Variants in FBXL2 observed in about 807,000 individuals in gnomAD.
The protein encoded by FBXL2 is F-box/LRR-repeat protein 2.
In FBXL2, 38 loss-of-function variants were observed where a neutral mutation model predicts 69.2. The observed-to-expected ratio is 0.55, with a 90% CI of 0.42 to 0.72. The LOEUF is 0.72. Ranked by LOEUF, FBXL2 falls within the 30% of genes least tolerant of loss-of-function variation. The probability of loss-of-function intolerance (pLI) is 0.00; values close to 1 mark genes in which losing one functional copy is unlikely to be tolerated. For synonymous variants in FBXL2, 192 were observed against 201.3 expected, an observed-to-expected ratio of 0.95 and a Z score of 0.39; for missense variants, 354 against 520.3, an observed-to-expected ratio of 0.68 and a Z score of 3.11.
chr3:33,316,838 CA>C (rs1010691075), intron 2 of FBXL2, among the ~76,000 whole-genome samples: 91 of 152,208 alleles, frequency 6.0e-4, no homozygotes, highest in African/African-American at 2.1e-3. Context: ...ATGAGTTGGG[CA>C]AACATTTTCA....
intron 2 of FBXL2, among the ~76,000 whole-genome samples, chr3:33,333,441 G>T (rs911425972): frequency 6.6e-6 from 1 of 152,122 alleles, no homozygotes; most frequent in Non-Finnish European, 1.5e-5. Context: ...TAAGATAATA[G>T]ACATTATTAC....
downstream of FBXL2, chr3:33,392,567 T>A (rs17854431): frequency 6.2e-7 from 1 of 1,611,534 alleles, no homozygotes; most frequent in Non-Finnish European, 8.5e-7. Flanking sequence ...AAGTACCTTT[T>A]ACTGTGGAGA....
intron 1 of FBXL2, among the ~76,000 whole-genome samples, chr3:33,288,638 A>G (rs1389562117): frequency 6.6e-6 from 1 of 152,218 alleles, no homozygotes; most frequent in African/African-American, 2.4e-5. Context: ...AGGCAAGAAC[A>G]TGCCTGGTGT....
intron 2 of FBXL2, among the ~76,000 whole-genome samples, chr3:33,299,911 C>T (rs962175848): frequency 2.6e-5 from 4 of 152,032 alleles, no homozygotes; most frequent in Admixed American, 6.5e-5. Context: ...GAAGCAATAC[C>T]GCTGTGTCCC....
chr3:33,292,139 G>T (rs1053847542), intron 1 of FBXL2, among the ~76,000 whole-genome samples: 1 of 152,172 alleles, frequency 6.6e-6, no homozygotes, highest in Non-Finnish European at 1.5e-5. Context: ...CAGCACTTTG[G>T]AAGGCCGAGG....
rs151196624 is a variant in FBXL2, at chr3:33,302,141, G to C, written c.65+4416G>C. Among the ~76,000 whole-genome samples the C allele has an allele frequency of 1.0e-2, 1,522 of 152,248 alleles. 91 individuals carry two copies. The highest frequency in any genetic ancestry group is 0.092 in the Admixed American group (1,409 of 15,294). On this transcript the variant is annotated intron_variant, in intron 2 of 14. Transcript: ENST00000484457. ...TTAATGCAAACAACTGATGAATCCA[G>C]CTCTTAATATGGATCTTAATATATG... is the stretch of plus-strand genomic sequence containing the variant.
intron 2 of FBXL2, among the ~76,000 whole-genome samples, chr3:33,342,891 C>CTGTT (rs1195552302): frequency 1.0e-5 from 1 of 96,420 alleles, no homozygotes; most frequent in Non-Finnish European, 1.9e-5. Flanking sequence ...CCACGCCCAG[C>CTGTT]TGTTTTTTTT....
chr3:33,401,969 A>C (rs1445193608), intron 12 of FBXL2, among the ~76,000 whole-genome samples: 1 of 152,126 alleles, frequency 6.6e-6, no homozygotes. Flanking sequence ...AATAGCCTAC[A>C]TGACAACAAG....
At chr3:33,324,536 C>T (rs532004820) in intron 2 of FBXL2, among the ~76,000 whole-genome samples, 1 of 152,268 alleles carries the variant, frequency 6.6e-6, no homozygotes, top group Non-Finnish European at 1.5e-5. Context: ...GCCAGTTTTC[C>T]CAACACCATT....
At chr3:33,281,908 G>A (rs2034053362) in intron 1 of FBXL2, among the ~76,000 whole-genome samples, 1 of 152,134 alleles carries the variant, frequency 6.6e-6, no homozygotes, top group South Asian at 2.1e-4. Flanking sequence ...TGTTTTTCTT[G>A]TAAATTTATT....
At chr3:33,412,698 T>C in the FBXL2 span, 4 of 1,442,578 alleles carry the variant, frequency 2.8e-6, no homozygotes, top group African/African-American at 4.2e-5. Flanking sequence ...CTCATCTCCA[T>C]GGTCTTTTGA....
intron 2 of FBXL2, among the ~76,000 whole-genome samples, chr3:33,344,302 C>G (rs921906626): frequency 1.3e-5 from 2 of 151,926 alleles, no homozygotes; most frequent in African/African-American, 4.8e-5. Flanking sequence ...CGGGAGGAAG[C>G]TTTGGATAAT....
intron 13 of FBXL2, among the ~76,000 whole-genome samples, chr3:33,379,289 A>G (rs545289138): frequency 1.3e-4 from 19 of 151,700 alleles, no homozygotes; most frequent in African/African-American, 4.4e-4. Context: ...GGTGTGAGCT[A>G]CCGCACCTGA....
chr3:33,317,534 G>A (rs1470856535), intron 2 of FBXL2: 3 of 456,478 alleles, frequency 6.6e-6, no homozygotes, highest in Non-Finnish European at 1.3e-5. Flanking sequence ...AAGAATGGAA[G>A]ACACACATCA....
the FBXL2 span, among the ~76,000 whole-genome samples, chr3:33,409,932 C>G: frequency 6.6e-6 from 1 of 152,188 alleles, no homozygotes; most frequent in Non-Finnish European, 1.5e-5. Flanking sequence ...GTCTGCTCAT[C>G]TCAGACCCAG....
At chr3:33,329,678 T>A (rs536540531) in intron 2 of FBXL2, among the ~76,000 whole-genome samples, 1 of 152,226 alleles carries the variant, frequency 6.6e-6, no homozygotes, top group Admixed American at 6.5e-5. Context: ...AAATATTGCA[T>A]GTTCTCACTC....
At chr3:33,339,861 A>T (rs2039885800) in intron 2 of FBXL2, among the ~76,000 whole-genome samples, 1 of 152,242 alleles carries the variant, frequency 6.6e-6, no homozygotes, top group Admixed American at 6.5e-5. Context: ...CATAATAGCT[A>T]AAAGTTAGAA....
At chr3:33,380,555 TAAA>T (rs57394351) in intron 13 of FBXL2, among the ~76,000 whole-genome samples, 36 of 97,306 alleles carry the variant, frequency 3.7e-4, no homozygotes, top group East Asian at 7.5e-4. Context: ...CAAAACTCCA[TAAA>T]AAAAAAAAAA....
chr3:33,401,947 C>T (rs975795031), intron 12 of FBXL2, among the ~76,000 whole-genome samples: 8 of 152,330 alleles, frequency 5.3e-5, no homozygotes, highest in African/African-American at 1.9e-4. Flanking sequence ...TATTTTTCTA[C>T]TCTTAAAGCA....
Sources: gnomAD v4.1 joint callset for allele counts (sites outside exome capture counted in the v4.1 genomes callset) on GRCh38, gnomAD v4.1.1 for gene constraint, MANE v1.5 for transcripts, NCBI Gene and HGNC (gene_info 2026-07-23, HGNC 2026-07-21) for gene names.